The following GABRA3 variants were observed in gnomAD, a reference collection of about 807,000 sequenced individuals.
GABRA3 encodes the protein gamma-aminobutyric acid type A receptor subunit alpha3, also known as gamma-aminobutyric acid receptor subunit alpha-3.
GABRA3 carries 10 observed loss-of-function variants against 30.1 expected under a neutral mutation model. The ratio of observed to expected loss-of-function variants is 0.33; its 90% CI spans 0.20 to 0.56. The LOEUF (loss-of-function observed/expected upper bound fraction) is 0.56, where lower values mean the gene tolerates loss of function less well. Ranked by LOEUF, GABRA3 falls within the 20% of genes least tolerant of loss-of-function variation. The pLI, the probability that GABRA3 is intolerant of heterozygous loss-of-function variation, is 0.89. For missense variants in GABRA3, 233 were observed against 392.0 expected (o/e 0.59, Z 3.42); for synonymous variants, 151 against 146.8 (o/e 1.03, Z -0.21).
intron 5 of GABRA3, among the ~76,000 whole-genome samples, chrX:152,234,233 T>A (rs930491407): frequency 2.7e-5 from 3 of 110,190 alleles, no homozygotes; most frequent in African/African-American, 9.9e-5. Context: ...GTTTTTCCCC[T>A]CAAAAAAAAT....
chrX:152,322,500 A>C (rs1324617541), intron 3 of GABRA3, among the ~76,000 whole-genome samples: 1 of 111,130 alleles, frequency 9.0e-6, no homozygotes, highest in Non-Finnish European at 1.9e-5. Flanking sequence ...TGTGAATTTC[A>C]CCACAATAAA....
Position 152,295,637 on chromosome X carries a change from G to T in GABRA3, c.263-10902C>A, listed in dbSNP as rs923365051. Among the ~76,000 whole-genome samples, 3 of 112,694 alleles carry T rather than the reference G, an allele frequency of 2.7e-5. No homozygotes were observed. In the Admixed American group the frequency reaches 2.8e-4, roughly 11 times the overall value. The stretch of plus-strand genomic sequence containing the variant: ...CTTGGCTTGGAAGGGGAAATCCCTT[G>T]ACCCCTTGCACATCCTCGGTGAGGC... On this transcript the variant is annotated intron_variant, in intron 3 of 9. Coordinates refer to ENST00000370314, the MANE Select transcript of GABRA3 (RefSeq NM_000808.4).
intron 1 of GABRA3, among the ~76,000 whole-genome samples, chrX:152,423,262 T>C (rs1930421629): frequency 1.8e-5 from 2 of 112,162 alleles, no homozygotes; most frequent in Admixed American, 9.5e-5. Context: ...TACTTTTCAC[T>C]GTAGACATCT....
At chrX:152,291,101 T>G (rs181777991) in intron 3 of GABRA3, among the ~76,000 whole-genome samples, 235 of 111,823 alleles carry the variant, frequency 2.1e-3, no homozygotes, top group African/African-American at 7.3e-3. Flanking sequence ...TAAATTACCT[T>G]GGGCAGTATG....
intron 1 of GABRA3, among the ~76,000 whole-genome samples, chrX:152,435,308 C>A (rs141705806): frequency 1.8e-5 from 2 of 111,026 alleles, no homozygotes; most frequent in Non-Finnish European, 3.8e-5. Context: ...TTGTTTATTG[C>A]GGCACTGTTC....
At chrX:152,364,331 C>T in intron 2 of GABRA3, 100 bp downstream of exon 2, 1 of 776,953 alleles carries the variant, frequency 1.3e-6, no homozygotes, top group Non-Finnish European at 1.9e-6. Flanking sequence ...TATCAGAGAC[C>T]AGAGTACTTG....
chrX:152,403,744 G>T (rs1929855040), intron 1 of GABRA3, among the ~76,000 whole-genome samples: 1 of 110,760 alleles, frequency 9.0e-6, no homozygotes, highest in Non-Finnish European at 1.9e-5. Context: ...AACACAGCCA[G>T]AAAGGCTGAA....
At chrX:152,435,143 C>T (rs1299541897) in intron 1 of GABRA3, among the ~76,000 whole-genome samples, 1 of 112,006 alleles carries the variant, frequency 8.9e-6, no homozygotes, top group Non-Finnish European at 1.9e-5. Flanking sequence ...ACAGCATACT[C>T]ATCTGTGTAG....
chrX:152,264,494 A>G lies in GABRA3; in HGVS notation c.331-8496T>C, dbSNP rs187654800. Among the ~76,000 whole-genome samples the G allele has an allele frequency of 1.2e-3, 131 of 111,604 alleles. 1 individual carries two copies. The highest frequency in any genetic ancestry group is 1.9e-3 in the Non-Finnish European group (102 of 52,985). ...TTAAACCAAAAACCATACAATGGAT[A>G]CTTAAAAAGTAAAAAGTAAGAAACT... On this transcript the variant is annotated intron_variant, in intron 4 of 9. Coordinates refer to ENST00000370314, the MANE Select transcript of GABRA3 (RefSeq NM_000808.4).
chrX:152,260,117 CGGT>C (rs1938704641), intron 4 of GABRA3, among the ~76,000 whole-genome samples: 1 of 110,127 alleles, frequency 9.1e-6, no homozygotes, highest in Admixed American at 9.7e-5. Flanking sequence ...TCTTGTGGGG[CGGT>C]GGTGGTGGCC....
chrX:152,447,777 C>G (rs912629082), intron 1 of GABRA3, among the ~76,000 whole-genome samples: 4 of 112,002 alleles, frequency 3.6e-5, no homozygotes. Context: ...GGTAAAAGAT[C>G]ATGACAGGTG....
chrX:152,374,451 C>T (rs999948040), intron 1 of GABRA3, among the ~76,000 whole-genome samples: 5 of 105,798 alleles, frequency 4.7e-5, no homozygotes, highest in Admixed American at 4.1e-4. Context: ...CCCAGGTTCA[C>T]GCCATTCTCC....
Position 152,422,235 on chromosome X carries a change from G to C in GABRA3, c.-27+28911C>G, listed in dbSNP as rs9887070. Among the ~76,000 whole-genome samples the C allele has an allele frequency of 6.8e-3, 754 of 111,461 alleles. 6 individuals carry two copies. The highest frequency in any genetic ancestry group is 0.022 in the African/African-American group (686 of 30,785). On this transcript the variant is annotated intron_variant, in intron 1 of 9. Transcript: ENST00000370314. ...TAGCACTAAAAATTAATGAACTATA[G>C]CTTTTGCAACAACGTGGATGAATCT...
chrX:152,429,882 C>G (rs1056316683), intron 1 of GABRA3, among the ~76,000 whole-genome samples: 11 of 112,106 alleles, frequency 9.8e-5, no homozygotes, highest in African/African-American at 3.6e-4. Context: ...TTAACCTAAC[C>G]TGAGTGGATC....
chrX:152,174,584 G>A (rs1937048202), intron 9 of GABRA3, among the ~76,000 whole-genome samples: 1 of 112,217 alleles, frequency 8.9e-6, no homozygotes, highest in Non-Finnish European at 1.9e-5. Context: ...CTGCATAAAT[G>A]TCTTCTTTTG....
chrX:152,382,911 G>C (rs972776917), intron 1 of GABRA3, among the ~76,000 whole-genome samples: 1 of 111,782 alleles, frequency 8.9e-6, no homozygotes, highest in Non-Finnish European at 1.9e-5. Flanking sequence ...ATATTGTTTT[G>C]ATTGATTACA....
intron 9 of GABRA3, among the ~76,000 whole-genome samples, chrX:152,173,838 G>T (rs1044354478): frequency 9.1e-6 from 1 of 109,741 alleles, no homozygotes; most frequent in Non-Finnish European, 1.9e-5. Flanking sequence ...TGTGCACAAC[G>T]TGCAGGTTTG....
intron 9 of GABRA3, among the ~76,000 whole-genome samples, chrX:152,170,822 T>C (rs939685952): frequency 1.8e-5 from 2 of 112,082 alleles, no homozygotes; most frequent in East Asian, 2.8e-4. Context: ...TGAGAGGATG[T>C]TGGTTTACGT....
intron 3 of GABRA3, among the ~76,000 whole-genome samples, chrX:152,324,981 G>A (rs1940028922): frequency 1.8e-5 from 2 of 111,812 alleles, no homozygotes; most frequent in South Asian, 7.4e-4. Flanking sequence ...TTACATTAAT[G>A]GAAGTGTGAT....
Sources: allele counts gnomAD v4.1 joint callset (sites outside exome capture counted in the v4.1 genomes callset), GRCh38; gene constraint gnomAD v4.1.1; transcripts MANE v1.5; gene names NCBI Gene and HGNC (gene_info 2026-07-23, HGNC 2026-07-21).